Variants in FKBP5 observed in about 807,000 individuals in gnomAD.
FKBP5 encodes the protein peptidyl-prolyl cis-trans isomerase FKBP5.
Under a neutral mutation model 50.5 loss-of-function variants are expected in FKBP5, and 23 were observed. The observed-to-expected ratio is 0.46, with a 90% confidence interval of 0.33 to 0.65. The LOEUF (loss-of-function observed/expected upper bound fraction) is 0.65. Ranked by LOEUF, FKBP5 falls within the 30% of genes least tolerant of loss-of-function variation. FKBP5 has a pLI of 0.02. For synonymous variants in FKBP5, 176 were observed against 190.6 expected (o/e 0.92, Z 0.63); for missense variants, 411 against 553.1 (o/e 0.74, Z 2.58).
intron 2 of FKBP5, among the ~76,000 whole-genome samples, chr6:35,706,094 G>C (rs1264259705): frequency 1.3e-5 from 2 of 151,312 alleles, no homozygotes; most frequent in African/African-American, 4.9e-5. Flanking sequence ...AGGCAACAGA[G>C]CCAGACTCTG....
At chr6:35,705,106 A>C (rs1287236205) in intron 2 of FKBP5, among the ~76,000 whole-genome samples, 2 of 150,230 alleles carry the variant, frequency 1.3e-5, no homozygotes, top group Non-Finnish European at 3.0e-5. Context: ...GCGCCACTGC[A>C]CTCCAGCCTG....
At chr6:35,580,288 C>T in intron 8 of FKBP5, 67 bp from the exon 9 acceptor site, 1 of 1,279,688 alleles carries the variant, frequency 7.8e-7, no homozygotes. Flanking sequence ...AGCAAATCCT[C>T]AAAGTGAAGC....
rs142335739 is a variant in FKBP5, at chr6:35,575,930, T to C, written c.1279A>G (p.Lys427Glu). ...AEQDAKEEAN[K>E]AMGKKTSEGV... ...TCTGAAGTCTTCTTGCCCATTGCTT[T>C]ATTGGCCTCTTCCTAAGGAAGAAAT... The change falls in exon 11 of 11, where the codon AAA becomes GAA. Residue 427 changes from lysine (K) to glutamate (E), a missense_variant. Physicochemically the swap from Lys to Glu is moderately conservative, Grantham distance 56 (BLOSUM62 1). Transcript: ENST00000357266. 9 of 1,608,442 alleles carry C rather than the reference T, an allele frequency of 5.6e-6. No individual in the cohort carries two copies. The African/African-American group carries it at 1.2e-4, about 22-fold the overall frequency.
At chr6:35,639,120 A>G (rs1764407015) in intron 2 of FKBP5, among the ~76,000 whole-genome samples, 1 of 152,214 alleles carries the variant, frequency 6.6e-6, no homozygotes, top group Non-Finnish European at 1.5e-5. Flanking sequence ...TAGTTACTGA[A>G]TTTCCAAACC....
intron 5 of FKBP5, among the ~76,000 whole-genome samples, chr6:35,598,547 C>T (rs1320391156): frequency 6.6e-6 from 1 of 152,036 alleles, no homozygotes; most frequent in African/African-American, 2.4e-5. Context: ...CTAGGAAAAA[C>T]AATTCTCTGA....
At chr6:35,695,740 A>G (rs1350114435) in intron 2 of FKBP5, among the ~76,000 whole-genome samples, 2 of 152,258 alleles carry the variant, frequency 1.3e-5, no homozygotes, top group East Asian at 3.8e-4. Context: ...AAATTAAGAA[A>G]ACAATTTCAT....
At chr6:35,715,528 A>G (rs1037138453) in intron 2 of FKBP5, among the ~76,000 whole-genome samples, 5 of 152,232 alleles carry the variant, frequency 3.3e-5, no homozygotes, top group Non-Finnish European at 7.3e-5. Context: ...CCCTCAGTCT[A>G]GAAAGATTTG....
chr6:35,662,533 C>G (rs1281821848), intron 1 of FKBP5, among the ~76,000 whole-genome samples: 5 of 151,956 alleles, frequency 3.3e-5, no homozygotes, highest in Non-Finnish European at 1.5e-5. Flanking sequence ...ATCCTGCCAC[C>G]TCAGCCTCCC....
chr6:35,667,159 T>C (rs893378550), intron 1 of FKBP5, among the ~76,000 whole-genome samples: 1 of 152,122 alleles, frequency 6.6e-6, no homozygotes, highest in Non-Finnish European at 1.5e-5. Context: ...TGAATATAAT[T>C]GATCTTGATT....
In FKBP5 at chr6:35,607,328, C is replaced by A. The variant is rs1028289336; in HGVS notation, c.509-9924G>T. On this transcript the variant is annotated intron_variant, in intron 5 of 10. Coordinates refer to ENST00000357266, the MANE Select transcript of FKBP5 (RefSeq NM_004117.4). ...TCAAATGATCCTCCCACTACAGCCTCCTGAGTAGCCGGCACTACAGGCATG... is the reference window on the plus strand; with the variant it reads ...TCAAATGATCCTCCCACTACAGCCTACTGAGTAGCCGGCACTACAGGCATG... Among the ~76,000 whole-genome samples, 48 of 150,888 alleles carry A rather than the reference C, an allele frequency of 3.2e-4. 1 individual carries two copies. Among genetic ancestry groups the A allele is most frequent in the African/African-American group, 1.1e-3 (44 of 41,108 alleles).
chr6:35,592,908 T>C (rs1268232141), intron 6 of FKBP5, among the ~76,000 whole-genome samples: 1 of 152,156 alleles, frequency 6.6e-6, no homozygotes, highest in African/African-American at 2.4e-5. Flanking sequence ...TCAACAGTGC[T>C]GAGGATGAGA....
Position 35,577,040 on chromosome 6 carries a change from C to T in FKBP5, c.1220G>A (p.Arg407Lys). ...KAKEHNERDRRIYANMFKKFA... is the reference protein window; with the variant it reads ...KAKEHNERDRKIYANMFKKFA... ...CTTCTTGAACATGTTGGCGTATATC[C>T]TGCGGTCCCGCTCGTTGTGCTCCTT... Residue 407 changes from arginine (R) to lysine (K), a missense_variant, in exon 10 of 11, where the codon AGG becomes AAG. This residue lies in a region of FKBP5 where 88 missense variants were observed against 89.0 expected (regional missense o/e 0.99). Transcript: ENST00000357266. The T allele has an allele frequency of 3.7e-6, 6 of 1,614,204 alleles. No individual in the cohort carries two copies. Among genetic ancestry groups the T allele is most frequent in the Non-Finnish European group, 5.1e-6 (6 of 1,180,028 alleles).
At chr6:35,706,121 A>G (rs1766308403) in intron 2 of FKBP5, among the ~76,000 whole-genome samples, 1 of 151,300 alleles carries the variant, frequency 6.6e-6, no homozygotes, top group African/African-American at 2.4e-5. Context: ...ACAAACAAAT[A>G]GTTTAGAAAT....
rs574042031 is a variant in FKBP5, at chr6:35,634,319, T to TCAA, written c.250+2692_250+2694dup. On this transcript the variant is annotated intron_variant, in intron 3 of 10. Coordinates refer to ENST00000357266, the MANE Select transcript of FKBP5 (RefSeq NM_004117.4). ...AGCCCTGGAGGTTCATATGCCTAAATCAACAACAACAACAACAACAAAATT... is the reference window on the plus strand; with the variant it reads ...AGCCCTGGAGGTTCATATGCCTAAATCAACAACAACAACAACAACAACAAAATT... Among the ~76,000 whole-genome samples the TCAA allele has an allele frequency of 5.6e-3, 847 of 152,084 alleles. 3 individuals are homozygous for TCAA. Among genetic ancestry groups the TCAA allele is most frequent in the African/African-American group, 0.015 (631 of 41,482 alleles).
chr6:35,654,432 CTA>C (rs1309644455), intron 1 of FKBP5, among the ~76,000 whole-genome samples: 2 of 152,130 alleles, frequency 1.3e-5, no homozygotes, highest in Non-Finnish European at 2.9e-5. Context: ...GTCAGCAAGA[CTA>C]TGATGGATTT....
intron 2 of FKBP5, among the ~76,000 whole-genome samples, chr6:35,710,830 A>G (rs918150823): frequency 6.6e-6 from 1 of 152,248 alleles, no homozygotes; most frequent in African/African-American, 2.4e-5. Context: ...CACACTACTT[A>G]ATATGTGCAA....
chr6:35,680,303 G>A (rs1199533657), intron 1 of FKBP5, among the ~76,000 whole-genome samples: 3 of 152,044 alleles, frequency 2.0e-5, no homozygotes, highest in East Asian at 1.9e-4. Context: ...GGTGGTGCAC[G>A]CCTATAGTCC....
chr6:35,679,637 C>T (rs1466038543), intron 1 of FKBP5, among the ~76,000 whole-genome samples: 1 of 152,176 alleles, frequency 6.6e-6, no homozygotes, highest in Non-Finnish European at 1.5e-5. Flanking sequence ...TTTGATAAAG[C>T]TGGATACATT....
At chr6:35,593,609 C>T (rs1762887989) in intron 6 of FKBP5, among the ~76,000 whole-genome samples, 1 of 152,112 alleles carries the variant, frequency 6.6e-6, no homozygotes, top group African/African-American at 2.4e-5. Flanking sequence ...AGGCATCGTG[C>T]AGTGGCATGA....
Sources: gnomAD v4.1 joint callset for allele counts (sites outside exome capture counted in the v4.1 genomes callset) on GRCh38, gnomAD v4.1.1 for gene constraint, gnomAD v4.1.1 regional missense constraint, MANE v1.5 for transcripts, NCBI Gene and HGNC (gene_info 2026-07-23, HGNC 2026-07-21) for gene names.